Variants in PSIP1 observed in about 807,000 individuals in gnomAD.
PSIP1 encodes PC4 and SFRS1-interacting protein.
In PSIP1, 19 loss-of-function variants were observed where a neutral mutation model predicts 74.7. The observed-to-expected ratio is 0.25, with a 90% confidence interval of 0.18 to 0.37. The LOEUF (loss-of-function observed/expected upper bound fraction) is 0.37, where lower values mean the gene tolerates loss of function less well. Among genes scored for constraint, PSIP1 ranks in the 10% least tolerant of loss-of-function variants. The pLI is 1.00. For synonymous variants in PSIP1, 222 were observed against 195.3 expected, an observed-to-expected ratio of 1.14 and a Z score of -1.14; for missense variants, 601 against 614.3, an observed-to-expected ratio of 0.98 and a Z score of 0.23.
chr9:15,506,316 A>G, intron 3 of PSIP1: 1 of 356,704 alleles, frequency 2.8e-6, no homozygotes, highest in Non-Finnish European at 5.1e-6. Context: ...TCATCCATCA[A>G]TCATTCTTAT....
At chr9:15,473,728 T>C (rs958178247) in intron 9 of PSIP1, among the ~76,000 whole-genome samples, 11 of 151,868 alleles carry the variant, frequency 7.2e-5, no homozygotes, top group African/African-American at 2.7e-4. Context: ...TTGCAAAACC[T>C]TGTCTCCACT....
chr9:15,485,886 A>T, intron 6 of PSIP1, 120 bp downstream of exon 6: 1 of 862,280 alleles, frequency 1.2e-6, no homozygotes, highest in Non-Finnish European at 1.8e-6. Context: ...AACCCATAAA[A>T]AATTAAAGGG....
intron 4 of PSIP1, among the ~76,000 whole-genome samples, chr9:15,488,848 C>G (rs1053341071): frequency 3.3e-5 from 5 of 152,024 alleles, no homozygotes; most frequent in Admixed American, 1.3e-4. Context: ...GGTGAAACCC[C>G]GTCTCTACTA....
rs757770242 is a variant in PSIP1 at position 15,510,199 on chromosome 9, C to T, written c.-11G>A. 1.2e-5 allele frequency: 20 copies of T among 1,601,026 alleles called. No individual in the cohort carries two copies. The highest frequency in any genetic ancestry group is 1.7e-5 in the Non-Finnish European group (20 of 1,174,482). On this transcript the variant is annotated 5_prime_UTR_variant, in exon 2 of 16. Coordinates refer to ENST00000380733, the MANE Select transcript of PSIP1 (RefSeq NM_033222.5). Reference sequence around the variant, plus strand: ...GAAATCGCGAGTCATGTTTCGGGGGCGAGACCGGGGGTCCGAAGCCCGGGA... The same window carrying T: ...GAAATCGCGAGTCATGTTTCGGGGGTGAGACCGGGGGTCCGAAGCCCGGGA...
At chr9:15,466,519 T>G (rs548303939) in intron 15 of PSIP1, among the ~76,000 whole-genome samples, 1 of 152,360 alleles carries the variant, frequency 6.6e-6, no homozygotes, top group South Asian at 2.1e-4. Context: ...TATTTTCTTT[T>G]TAACTGGGTT....
chr9:15,469,402 CTAAGTA>C (rs2035748607), intron 11 of PSIP1, 66 bp from the exon 12 acceptor site: 2 of 981,188 alleles, frequency 2.0e-6, no homozygotes, highest in Admixed American at 5.2e-5. Context: ...TATATACAGG[CTAAGTA>C]TAATGAATTA....
intron 5 of PSIP1, 118 bp from the exon 6 acceptor site, chr9:15,486,186 C>T: frequency 1.3e-6 from 1 of 788,052 alleles, no homozygotes; most frequent in Non-Finnish European, 2.0e-6. Context: ...ATCTGTTTTG[C>T]TCTGTAGAGT....
intron 3 of PSIP1, among the ~76,000 whole-genome samples, chr9:15,503,786 G>A (rs1368277860): frequency 6.6e-6 from 1 of 151,990 alleles, no homozygotes; most frequent in Non-Finnish European, 1.5e-5. Context: ...TCACTCTGTT[G>A]CCCAGGCTGG....
intron 3 of PSIP1, chr9:15,505,855 T>C (rs913862178): frequency 6.6e-6 from 1 of 152,228 alleles, no homozygotes; most frequent in Non-Finnish European, 1.5e-5. Flanking sequence ...AGCAATAGTT[T>C]TGTTTCTCCT....
chr9:15,494,206 G>A (rs953958309), intron 3 of PSIP1, among the ~76,000 whole-genome samples: 3 of 152,142 alleles, frequency 2.0e-5, no homozygotes, highest in Non-Finnish European at 4.4e-5. Flanking sequence ...AATGAGTACA[G>A]TTAATATTCT....
At chr9:15,487,666 T>C (rs1476242747) in intron 4 of PSIP1, among the ~76,000 whole-genome samples, 2 of 152,210 alleles carry the variant, frequency 1.3e-5, no homozygotes, top group Non-Finnish European at 2.9e-5. Context: ...CAATTCTGTC[T>C]CTTTAGACAG....
In PSIP1 at chr9:15,464,597, A is replaced by T. The variant is rs928977159; in HGVS notation, c.*923T>A. 4.1e-4 allele frequency: 82 copies of T among 197,666 alleles called. No homozygotes were observed. Among genetic ancestry groups the T allele is most frequent in the African/African-American group, 1.9e-3 (81 of 43,346 alleles). 12.2% of individuals were successfully genotyped at this position (197,666 alleles called of 1,614,324 possible). On this transcript the variant is annotated 3_prime_UTR_variant, in exon 16 of 16. Coordinates refer to ENST00000380733, the MANE Select transcript of PSIP1 (RefSeq NM_033222.5). ...ATTTCAAATAGGTGAGTTTCCTTAT[A>T]TAACATTTATTCATATTTATTGTAT...
At chr9:15,473,238 G>A (rs16933296) in intron 9 of PSIP1, among the ~76,000 whole-genome samples, 6,553 of 152,166 alleles carry the variant, frequency 0.043, 152 homozygotes, top group South Asian at 0.07. Flanking sequence ...CAACTATGGC[G>A]TCCAAATAAA....
chr9:15,472,101 TAAGAG>T, intron 10 of PSIP1: 3 of 983,338 alleles, frequency 3.1e-6, no homozygotes, highest in Non-Finnish European at 3.6e-6. Context: ...TATCAAAATT[TAAGAG>T]AAAACAGCTT....
chr9:15,505,543 A>T (rs1325797980), intron 3 of PSIP1: 1 of 152,220 alleles, frequency 6.6e-6, no homozygotes, highest in Non-Finnish European at 1.5e-5. Context: ...ATATTGTATG[A>T]CACCATTCAA....
At chr9:15,508,296 A>C (rs1307395450) in intron 2 of PSIP1, among the ~76,000 whole-genome samples, 2 of 152,232 alleles carry the variant, frequency 1.3e-5, no homozygotes, top group South Asian at 2.1e-4. Context: ...AGAATGAAGA[A>C]GACAGAAAAA....
intron 10 of PSIP1, 107 bp from the exon 11 acceptor site, chr9:15,470,100 C>T: frequency 1.2e-6 from 1 of 829,628 alleles, no homozygotes; most frequent in Middle Eastern, 2.3e-4. Flanking sequence ...AAGTCAATAG[C>T]CTAGACTGCA....
intron 2 of PSIP1, among the ~76,000 whole-genome samples, chr9:15,508,108 T>A (rs754742311): frequency 7.9e-5 from 12 of 152,218 alleles, no homozygotes; most frequent in Non-Finnish European, 1.5e-4. Flanking sequence ...GTTGATTTTT[T>A]AAATAATTAT....
chr9:15,500,579 A>G (rs934193516), intron 3 of PSIP1, among the ~76,000 whole-genome samples: 8 of 152,192 alleles, frequency 5.3e-5, no homozygotes, highest in African/African-American at 1.9e-4. Context: ...CTTGTACAGA[A>G]GAACTAGTGT....
Sources: allele counts gnomAD v4.1 joint callset (sites outside exome capture counted in the v4.1 genomes callset), GRCh38; gene constraint gnomAD v4.1.1; transcripts MANE v1.5; gene names NCBI Gene and HGNC (gene_info 2026-07-23, HGNC 2026-07-21).